TSPAN33: variants seen among roughly 807,000 people sequenced by gnomAD.
The protein encoded by TSPAN33 is tetraspanin-33.
In TSPAN33, 27 loss-of-function variants were observed where a neutral mutation model predicts 34.8. The observed-to-expected ratio is 0.78, with a 90% CI of 0.57 to 1.07. The LOEUF (loss-of-function observed/expected upper bound fraction) is 1.07. Among genes scored for constraint, TSPAN33 ranks in the 50% least tolerant of loss-of-function variants. TSPAN33 has a pLI of 0.00. For synonymous variants in TSPAN33, 119 were observed against 124.2 expected (o/e 0.96, Z 0.28); for missense variants, 272 against 324.9 (o/e 0.84, Z 1.25).
rs73723928 is a variant in TSPAN33 at position 129,148,389 on chromosome 7, G to C, written c.102+3307G>C. Among the ~76,000 whole-genome samples the C allele has an allele frequency of 0.063, 9,624 of 152,188 alleles. 635 individuals are homozygous for C. The highest frequency in any genetic ancestry group is 0.33 in the East Asian group (1,693 of 5,156). On this transcript the variant is annotated intron_variant, in intron 1 of 7. Transcript: ENST00000486685. The surrounding 1 kb of genome is among the most constrained non-coding windows in gnomAD (Gnocchi z 4.2). ...TTCTCCGTCTCCCCCTCTAGACTTCGGGCTCTCGAGGGTGGGCACGGCCCT... is the reference window on the plus strand; with the variant it reads ...TTCTCCGTCTCCCCCTCTAGACTTCCGGCTCTCGAGGGTGGGCACGGCCCT...
Position 129,169,265 on chromosome 7 carries a change from G to A in TSPAN33, c.*1391G>A, listed in dbSNP as rs565659492. Reference sequence around the variant, plus strand: ...GGAGGACTCCGAGGAAGCTCGGCGCGGTGCGCTGGGCCTCCTGGCGCCGGG... The same window carrying A: ...GGAGGACTCCGAGGAAGCTCGGCGCAGTGCGCTGGGCCTCCTGGCGCCGGG... On this transcript the variant is annotated 3_prime_UTR_variant, in exon 8 of 8. Coordinates refer to ENST00000486685, the MANE Select transcript of TSPAN33 (RefSeq NM_178562.5). Among the ~76,000 whole-genome samples the A allele has an allele frequency of 6.6e-6, 1 of 152,114 alleles. No homozygotes were observed. Among genetic ancestry groups the A allele is most frequent in the African/African-American group, 2.4e-5 (1 of 41,434 alleles).
chr7:129,158,831 A>G (rs1291629312), intron 1 of TSPAN33, among the ~76,000 whole-genome samples: 1 of 150,608 alleles, frequency 6.6e-6, no homozygotes, highest in African/African-American at 2.4e-5. Flanking sequence ...GCTCACTGCA[A>G]CCTCCGCCTC....
chr7:129,161,918 A>G (rs1167291901), intron 2 of TSPAN33, among the ~76,000 whole-genome samples, 182 bp downstream of exon 2: 2 of 152,184 alleles, frequency 1.3e-5, no homozygotes, highest in Admixed American at 6.5e-5. Flanking sequence ...GATTTCCCTG[A>G]GCCCCTCTGA....
rs1793190949 is a variant in TSPAN33, at chr7:129,169,189, T to C, written c.*1315T>C. Among the ~76,000 whole-genome samples, 1 of 152,120 alleles carries C rather than the reference T, an allele frequency of 6.6e-6. No individual in the cohort carries two copies. The highest frequency in any genetic ancestry group is 1.5e-5 in the Non-Finnish European group (1 of 68,018). On this transcript the variant is annotated 3_prime_UTR_variant, in exon 8 of 8. Transcript: ENST00000486685. ...CGGGGAATGAGGAGGAAGAAGGCCC[T>C]CTCTTCCCCTACCCGGGCCCTCCAG...
At chr7:129,150,733 C>T (rs138983799) in intron 1 of TSPAN33, among the ~76,000 whole-genome samples, 3 of 152,232 alleles carry the variant, frequency 2.0e-5, no homozygotes, top group African/African-American at 7.2e-5. Flanking sequence ...AAAAGTACTG[C>T]CACTGCTGTC....
chr7:129,164,032 C>CT (rs940347741), intron 4 of TSPAN33, among the ~76,000 whole-genome samples: 2 of 152,074 alleles, frequency 1.3e-5, no homozygotes, highest in Non-Finnish European at 2.9e-5. Flanking sequence ...GTCCTCCTGG[C>CT]TTACAGTAAG....
At chr7:129,147,469 G>A (rs954472285) in intron 1 of TSPAN33, among the ~76,000 whole-genome samples, 2 of 152,170 alleles carry the variant, frequency 1.3e-5, no homozygotes, top group African/African-American at 4.8e-5. Context: ...ACCCAGTGCT[G>A]CACAGGTATA....
chr7:129,166,981 G>T, intron 6 of TSPAN33, 75 bp downstream of exon 6: 1 of 1,539,888 alleles, frequency 6.5e-7, no homozygotes, highest in Non-Finnish European at 8.8e-7. Context: ...GCTGCTACTG[G>T]GGATCCCCAT....
chr7:129,144,966 G>A lies in TSPAN33; in HGVS notation c.-15G>A. On this transcript the variant is annotated 5_prime_UTR_variant, in exon 1 of 8. Coordinates refer to ENST00000486685, the MANE Select transcript of TSPAN33 (RefSeq NM_178562.5). ...TGGGAAATAGGCCCCCGGGGGCGGTGGCGGCGGCGGGGCCATGGCGCGGAG... is the reference window on the plus strand; with the variant it reads ...TGGGAAATAGGCCCCCGGGGGCGGTAGCGGCGGCGGGGCCATGGCGCGGAG... 1 of 603,706 alleles carries A rather than the reference G, an allele frequency of 1.7e-6. No individual in the cohort carries two copies. Among genetic ancestry groups the A allele is most frequent in the Non-Finnish European group, 3.0e-6 (1 of 334,316 alleles). The allele number at this position is 603,706 out of a possible 1,614,324, so 37.4% of individuals were successfully genotyped here. A position where few individuals can be genotyped will look rare whatever the true frequency, so the allele number is the denominator to read the frequency against.
At chr7:129,163,273 C>A (rs1793079756) in intron 4 of TSPAN33, among the ~76,000 whole-genome samples, 2 of 149,212 alleles carry the variant, frequency 1.3e-5, no homozygotes, top group Non-Finnish European at 3.0e-5. Flanking sequence ...TTGAGATAAA[C>A]AGAAGGAAGG....
At chr7:129,162,688 C>A in intron 3 of TSPAN33, 145 bp from the exon 4 acceptor site, 1 of 1,396,754 alleles carries the variant, frequency 7.2e-7, no homozygotes, top group Non-Finnish European at 9.8e-7. Flanking sequence ...TGGCCACCCC[C>A]AAGACAGTGT....
intron 1 of TSPAN33, among the ~76,000 whole-genome samples, chr7:129,151,294 T>A (rs1810590273): frequency 6.6e-6 from 1 of 151,092 alleles, no homozygotes; most frequent in Non-Finnish European, 1.5e-5. Context: ...GCCCAGCTAA[T>A]TTTTTTTTAG....
intron 1 of TSPAN33, among the ~76,000 whole-genome samples, chr7:129,150,030 C>T (rs751697151): frequency 5.3e-5 from 8 of 152,236 alleles, no homozygotes; most frequent in Non-Finnish European, 8.8e-5. Flanking sequence ...ACTGCCTTGC[C>T]CACTTCCCTC....
intron 1 of TSPAN33, among the ~76,000 whole-genome samples, chr7:129,145,949 A>T (rs949828412): frequency 1.1e-4 from 16 of 151,886 alleles, no homozygotes; most frequent in African/African-American, 3.6e-4. Flanking sequence ...ATTGAGCTGA[A>T]CCAGATCATG....
chr7:129,145,120 C>T (rs116158678), intron 1 of TSPAN33, 38 bp downstream of exon 1: 3 of 651,440 alleles, frequency 4.6e-6, no homozygotes, highest in South Asian at 3.3e-5. Flanking sequence ...GCGGCGGGGT[C>T]CCCCCGCGGG....
chr7:129,147,489 G>C (rs1810536583), intron 1 of TSPAN33, among the ~76,000 whole-genome samples: 1 of 152,174 alleles, frequency 6.6e-6, no homozygotes, highest in African/African-American at 2.4e-5. Context: ...ATTCATACAA[G>C]AGCAGCTGGA....
At position 129,168,055 on chromosome 7, in the gene TSPAN33, G is replaced by A. The variant is rs1477768100; in HGVS notation, c.*181G>A. 4 of 1,263,788 alleles carry A rather than the reference G, an allele frequency of 3.2e-6. No homozygotes were observed. In the African/African-American group the frequency reaches 4.5e-5, roughly 14 times the overall value. 78.3% of individuals were successfully genotyped at this position (1,263,788 alleles called of 1,614,324 possible). ...TGCACAGGTGGCTCCAGTCTCAGGA[G>A]GATGCGCCTCCTCTCCCCCATCCCA... On this transcript the variant is annotated 3_prime_UTR_variant, in exon 8 of 8. Coordinates refer to ENST00000486685, the MANE Select transcript of TSPAN33 (RefSeq NM_178562.5).
At chr7:129,158,825 A>T (rs1793002720) in intron 1 of TSPAN33, among the ~76,000 whole-genome samples, 1 of 152,116 alleles carries the variant, frequency 6.6e-6, no homozygotes, top group Admixed American at 6.5e-5. Flanking sequence ...TTCTCAGCTC[A>T]CTGCAACCTC....
chr7:129,155,295 C>T (rs1320773340), intron 1 of TSPAN33, among the ~76,000 whole-genome samples: 3 of 152,172 alleles, frequency 2.0e-5, no homozygotes, highest in African/African-American at 7.2e-5. Context: ...TAGGTACAAA[C>T]ATATGGTCAC....
Sources: allele counts gnomAD v4.1 joint callset (sites outside exome capture counted in the v4.1 genomes callset), GRCh38; gene constraint gnomAD v4.1.1; non-coding constraint Gnocchi (gnomAD v3.1); transcripts MANE v1.5; gene names NCBI Gene and HGNC (gene_info 2026-07-23, HGNC 2026-07-21).